SLCO1B1: variants seen among roughly 807,000 people sequenced by gnomAD.
The protein encoded by SLCO1B1 is solute carrier organic anion transporter family member 1B1, also known as OATP-2.
In SLCO1B1, 81 loss-of-function variants were observed where a neutral mutation model predicts 70.1. The observed-to-expected ratio is 1.16, with a 90% CI of 0.97 to 1.39. SLCO1B1 has a LOEUF of 1.39. Ranked by LOEUF, SLCO1B1 falls within the 40% of genes most tolerant of loss-of-function variation. The probability of loss-of-function intolerance (pLI) is 0.00; values close to 1 mark genes in which losing one functional copy is unlikely to be tolerated. For missense variants in SLCO1B1, 895 were observed against 799.6 expected (o/e 1.12, Z -1.44); for synonymous variants, 283 against 271.5 (o/e 1.04, Z -0.42).
intron 9 of SLCO1B1, 91 bp downstream of exon 9, chr12:21,200,763 T>C: frequency 9.0e-7 from 1 of 1,113,706 alleles, no homozygotes. Flanking sequence ...AGTGATTTTG[T>C]ATTTTAGTAA....
intron 2 of SLCO1B1, among the ~76,000 whole-genome samples, chr12:21,162,408 A>G (rs1940630909): frequency 6.6e-6 from 1 of 152,148 alleles, no homozygotes. Flanking sequence ...CAACTTCCTT[A>G]TTTTTATCAC....
chr12:21,140,077 T>C lies in SLCO1B1; in HGVS notation c.-61-1437T>C, dbSNP rs1016416761. The stretch of plus-strand genomic sequence containing the variant: ...AACATACATAAAACACAGTTCTATA[T>C]TGAACAATTTACCAAAATATTGTGA... On this transcript the variant is annotated intron_variant, in intron 1 of 14. Transcript: ENST00000256958. 2.0e-5 allele frequency among the ~76,000 whole-genome samples: 3 copies of C among 152,068 alleles called. No homozygotes were observed. The South Asian group carries it at 6.2e-4, about 32-fold the overall frequency.
At chr12:21,186,316 C>T (rs1378510981) in intron 7 of SLCO1B1, among the ~76,000 whole-genome samples, 1 of 152,060 alleles carries the variant, frequency 6.6e-6, no homozygotes, top group Admixed American at 6.6e-5. Context: ...ATAGCACCTC[C>T]TGTAATTGTA....
intron 12 of SLCO1B1, 93 bp from the exon 13 acceptor site, chr12:21,222,207 C>A: frequency 4.1e-6 from 2 of 491,310 alleles, no homozygotes; most frequent in Non-Finnish European, 3.6e-6. Context: ...TTAATTCTAT[C>A]ATGGAGAAAA....
intron 7 of SLCO1B1, among the ~76,000 whole-genome samples, chr12:21,194,334 C>G (rs1941067748): frequency 6.6e-6 from 1 of 152,118 alleles, no homozygotes. Flanking sequence ...TTTTCTATAG[C>G]CTCATAACAG....
rs906829242 is a variant in SLCO1B1, at chr12:21,209,886, G to A, written c.1497+3853G>A. 1.2e-4 allele frequency among the ~76,000 whole-genome samples: 19 copies of A among 152,116 alleles called. No individual in the cohort carries two copies. The South Asian group carries it at 1.5e-3, about 12-fold the overall frequency. On this transcript the variant is annotated intron_variant, in intron 11 of 14. Coordinates refer to ENST00000256958, the MANE Select transcript of SLCO1B1 (RefSeq NM_006446.5). Reference sequence around the variant, plus strand: ...TGAGAAGTGTCTGTTCATGTCCTTCGCCCACTTTTTGATGGGGTTTTTTGT... The same window carrying A: ...TGAGAAGTGTCTGTTCATGTCCTTCACCCACTTTTTGATGGGGTTTTTTGT...
chr12:21,222,427 T>TATATATATATATATATAC (rs1241541102), intron 13 of SLCO1B1, 63 bp downstream of exon 13: 6 of 101,048 alleles, frequency 5.9e-5, no homozygotes, highest in Non-Finnish European at 6.8e-5. Context: ...TATATATATA[T>TATATATATATATATATAC]ACACACACAC....
At chr12:21,142,607 A>G (rs1455093400) in intron 2 of SLCO1B1, among the ~76,000 whole-genome samples, 4 of 151,930 alleles carry the variant, frequency 2.6e-5, no homozygotes, top group African/African-American at 9.7e-5. Flanking sequence ...AGGGAACATA[A>G]AATTTGTTTG....
At chr12:21,163,279 A>G (rs4149030) in intron 2 of SLCO1B1, among the ~76,000 whole-genome samples, 68,870 of 151,904 alleles carry the variant, frequency 0.45, 16,771 homozygotes, top group South Asian at 0.72. Flanking sequence ...TATGAAGAGA[A>G]CTAACTATTC....
chr12:21,210,801 T>C (rs1941273729), intron 11 of SLCO1B1, among the ~76,000 whole-genome samples: 1 of 151,388 alleles, frequency 6.6e-6, no homozygotes, highest in Admixed American at 6.6e-5. Context: ...GATTCCTAGG[T>C]ATTTTATTCT....
rs566318491 is a variant in SLCO1B1, at chr12:21,132,481, A to G, written c.-62+1245A>G. Among the ~76,000 whole-genome samples, 78 of 152,292 alleles carry G rather than the reference A, an allele frequency of 5.1e-4. No individual in the cohort carries two copies. In the East Asian group the frequency reaches 0.011, roughly 21 times the overall value. On this transcript the variant is annotated intron_variant, in intron 1 of 14. Coordinates refer to ENST00000256958, the MANE Select transcript of SLCO1B1 (RefSeq NM_006446.5). ...TGTAAAAGTGTTCCTATTTCTCCAC[A>G]TCCTCTCCAGCACCTGTTGTTTCCT...
At chr12:21,132,734 CT>C (rs1940158432) in intron 1 of SLCO1B1, among the ~76,000 whole-genome samples, 1 of 152,092 alleles carries the variant, frequency 6.6e-6, no homozygotes, top group South Asian at 2.1e-4. Flanking sequence ...GGGTATTAGC[CT>C]TTTGTCAGAT....
At chr12:21,210,061 T>G (rs1941262502) in intron 11 of SLCO1B1, among the ~76,000 whole-genome samples, 1 of 147,588 alleles carries the variant, frequency 6.8e-6, no homozygotes, top group African/African-American at 2.5e-5. Context: ...CTCTTTAGTT[T>G]AATTAGATCC....
chr12:21,170,727 A>G (rs1348894560), intron 2 of SLCO1B1, among the ~76,000 whole-genome samples: 1 of 152,200 alleles, frequency 6.6e-6, no homozygotes, highest in Non-Finnish European at 1.5e-5. Flanking sequence ...ATTTTATTTT[A>G]AAACTTTTAG....
At chr12:21,229,746 A>G (rs987666621) in intron 14 of SLCO1B1, among the ~76,000 whole-genome samples, 2 of 152,212 alleles carry the variant, frequency 1.3e-5, no homozygotes, top group Non-Finnish European at 2.9e-5. Context: ...ATTGCTTATT[A>G]GTTCCAAGTG....
intron 14 of SLCO1B1, among the ~76,000 whole-genome samples, chr12:21,229,460 T>G (rs1249540720): frequency 6.6e-6 from 1 of 152,222 alleles, no homozygotes; most frequent in Non-Finnish European, 1.5e-5. Flanking sequence ...TTTTGCGTTT[T>G]CCAGAATCAT....
chr12:21,140,724 G>A (rs910259232), intron 1 of SLCO1B1, among the ~76,000 whole-genome samples: 2 of 151,988 alleles, frequency 1.3e-5, no homozygotes, highest in Non-Finnish European at 2.9e-5. Context: ...GGTAGAGAAT[G>A]ATGTTTAAGG....
intron 12 of SLCO1B1, 152 bp downstream of exon 12, chr12:21,217,455 A>G (rs1941372788): frequency 5.6e-6 from 4 of 718,316 alleles, no homozygotes; most frequent in Admixed American, 2.5e-5. Context: ...ATTACTATGA[A>G]CTCTCAAGGC....
intron 14 of SLCO1B1, among the ~76,000 whole-genome samples, chr12:21,238,373 C>CATTAAACAAATATTAAAACAA (rs1202309027): frequency 2.6e-5 from 4 of 152,094 alleles, no homozygotes; most frequent in Non-Finnish European, 5.9e-5. Flanking sequence ...GAACACTTAA[C>CATTAAACAAATATTAAAACAA]ATATTAATCA....
Sources: allele counts gnomAD v4.1 joint callset (sites outside exome capture counted in the v4.1 genomes callset), GRCh38; gene constraint gnomAD v4.1.1; transcripts MANE v1.5; gene names NCBI Gene and HGNC (gene_info 2026-07-23, HGNC 2026-07-21).